KHDRBS2: variants seen among roughly 807,000 people sequenced by gnomAD.
KHDRBS2 encodes the protein KH RNA binding domain containing, signal transduction associated 2.
In KHDRBS2, 26 loss-of-function variants were observed where a neutral mutation model predicts 44.3. The ratio of observed to expected loss-of-function variants is 0.59; its 90% CI spans 0.43 to 0.81. KHDRBS2 has a LOEUF of 0.81. KHDRBS2 is among the 40% of genes least tolerant of loss of function. The probability of loss-of-function intolerance (pLI) is 0.00; values close to 1 mark genes in which losing one functional copy is unlikely to be tolerated. For synonymous variants in KHDRBS2, 194 were observed against 151.1 expected, an observed-to-expected ratio of 1.28 and a Z score of -2.08; for missense variants, 476 against 433.1, an observed-to-expected ratio of 1.10 and a Z score of -0.88.
At chr6:61,891,986 G>T (rs977576587) in intron 6 of KHDRBS2, among the ~76,000 whole-genome samples, 10 of 152,128 alleles carry the variant, frequency 6.6e-5, no homozygotes, top group African/African-American at 2.4e-4. Context: ...TGACATGATT[G>T]TATATCTAGA....
chr6:61,788,313 T>C (rs1228227909), intron 6 of KHDRBS2, among the ~76,000 whole-genome samples: 3 of 151,468 alleles, frequency 2.0e-5, no homozygotes, highest in Non-Finnish European at 4.4e-5. Flanking sequence ...AGCTTTTAAA[T>C]AAGGTTTCAG....
intron 3 of KHDRBS2, among the ~76,000 whole-genome samples, chr6:61,988,468 A>G (rs1775488053): frequency 6.6e-6 from 1 of 152,296 alleles, no homozygotes; most frequent in Middle Eastern, 3.4e-3. Context: ...CTGGATACAA[A>G]TGGGCTTTCT....
intron 2 of KHDRBS2, among the ~76,000 whole-genome samples, chr6:62,085,317 C>A (rs34512462): frequency 6.6e-6 from 1 of 151,772 alleles, no homozygotes; most frequent in Admixed American, 6.6e-5. Flanking sequence ...AATGGCTAAA[C>A]CATGAAAAAT....
the KHDRBS2 span, among the ~76,000 whole-genome samples, chr6:61,624,530 T>C: frequency 6.6e-6 from 1 of 152,236 alleles, no homozygotes; most frequent in Non-Finnish European, 1.5e-5. Flanking sequence ...ACCATTTGCC[T>C]ACTAAAATGT....
the KHDRBS2 span, among the ~76,000 whole-genome samples, chr6:61,593,606 T>TAC: frequency 1.3e-5 from 2 of 152,082 alleles, no homozygotes; most frequent in Non-Finnish European, 2.9e-5. Flanking sequence ...GTCCTGATTA[T>TAC]TTGTATAAAG....
chr6:61,845,804 T>G (rs1318340058), intron 6 of KHDRBS2, among the ~76,000 whole-genome samples: 1 of 152,230 alleles, frequency 6.6e-6, no homozygotes, highest in African/African-American at 2.4e-5. Flanking sequence ...AGCACACCTC[T>G]TGTTTCTTTA....
At chr6:61,894,357 T>C (rs892612511) in intron 6 of KHDRBS2, among the ~76,000 whole-genome samples, 1 of 152,198 alleles carries the variant, frequency 6.6e-6, no homozygotes, top group African/African-American at 2.4e-5. Context: ...TGTTTATAAT[T>C]ATTTCTCATT....
At chr6:61,958,743 A>G (rs1767982330) in intron 4 of KHDRBS2, among the ~76,000 whole-genome samples, 1 of 152,038 alleles carries the variant, frequency 6.6e-6, no homozygotes, top group African/African-American at 2.4e-5. Flanking sequence ...CTAATGTCTT[A>G]TTTTTTGCTG....
chr6:62,266,145 T>G (rs1270083121), intron 1 of KHDRBS2, among the ~76,000 whole-genome samples: 2 of 152,098 alleles, frequency 1.3e-5, no homozygotes, highest in Non-Finnish European at 2.9e-5. Context: ...CACGAAGGAC[T>G]CTGGCAGGTT....
intron 2 of KHDRBS2, among the ~76,000 whole-genome samples, chr6:62,101,777 T>A (rs1328054072): frequency 6.6e-6 from 1 of 152,222 alleles, no homozygotes; most frequent in Non-Finnish European, 1.5e-5. Flanking sequence ...AATTTTTGTA[T>A]ATGAACATTT....
chr6:61,815,254 C>T (rs1582981635), intron 6 of KHDRBS2, among the ~76,000 whole-genome samples: 1 of 151,944 alleles, frequency 6.6e-6, no homozygotes, highest in Admixed American at 6.6e-5. Context: ...ATTCATGTCC[C>T]AGGAGGAACA....
At chr6:61,996,198 C>A (rs1777141621) in intron 3 of KHDRBS2, among the ~76,000 whole-genome samples, 1 of 152,090 alleles carries the variant, frequency 6.6e-6, no homozygotes, top group Non-Finnish European at 1.5e-5. Flanking sequence ...GTATCTGTGA[C>A]TTGGAATGAA....
At position 62,009,612 on chromosome 6, in the gene KHDRBS2, G is replaced by A. The variant is rs376397996; in HGVS notation, c.337-31400C>T. ...GCCCAGAGGCCTAGGAGGAAAAGTG[G>A]TTTTGTGGGCCAGGCCCAGGGTCCC... On this transcript the variant is annotated intron_variant, in intron 3 of 8. Transcript: ENST00000281156. 1.1e-4 allele frequency among the ~76,000 whole-genome samples: 16 copies of A among 152,278 alleles called. No homozygotes were observed. The East Asian group carries it at 1.9e-3, about 18-fold the overall frequency.
the KHDRBS2 span, among the ~76,000 whole-genome samples, chr6:61,605,368 C>G: frequency 6.6e-6 from 1 of 152,134 alleles, no homozygotes; most frequent in African/African-American, 2.4e-5. Flanking sequence ...AGTACCATAC[C>G]ATAGCTGATA....
chr6:62,055,416 T>C (rs1001493731), intron 2 of KHDRBS2, among the ~76,000 whole-genome samples: 1 of 152,042 alleles, frequency 6.6e-6, no homozygotes, highest in African/African-American at 2.4e-5. Flanking sequence ...TCTATGACTA[T>C]GAAGAGGTCA....
chr6:62,167,487 T>C (rs1230752778), intron 2 of KHDRBS2, among the ~76,000 whole-genome samples: 1 of 152,188 alleles, frequency 6.6e-6, no homozygotes, highest in Non-Finnish European at 1.5e-5. Context: ...TAAATTTTTC[T>C]AGAAAACAGG....
the KHDRBS2 span, among the ~76,000 whole-genome samples, chr6:61,624,590 C>G: frequency 6.6e-6 from 1 of 152,288 alleles, no homozygotes; most frequent in South Asian, 2.1e-4. Context: ...AGAGGAACTA[C>G]TTCATTACAA....
chr6:61,866,002 G>A (rs573694446), intron 6 of KHDRBS2, among the ~76,000 whole-genome samples: 1 of 152,342 alleles, frequency 6.6e-6, no homozygotes, highest in East Asian at 1.9e-4. Context: ...GGCGTTGTGT[G>A]TCTCCAGCTT....
At chr6:61,543,839 T>C in the KHDRBS2 span, among the ~76,000 whole-genome samples, 1 of 152,074 alleles carries the variant, frequency 6.6e-6, no homozygotes, top group Non-Finnish European at 1.5e-5. Flanking sequence ...TTAAGTGAGA[T>C]ATGCCAGGCA....
Sources: allele counts gnomAD v4.1 joint callset (sites outside exome capture counted in the v4.1 genomes callset), GRCh38; gene constraint gnomAD v4.1.1; transcripts MANE v1.5; gene names NCBI Gene and HGNC (gene_info 2026-07-23, HGNC 2026-07-21).